Variants in CYSLTR1 observed in about 807,000 individuals in gnomAD.
The protein encoded by CYSLTR1 is cysteinyl leukotriene receptor 1.
CYSLTR1 carries 1 observed loss-of-function variant against 2.1 expected under a neutral mutation model. That is an observed-to-expected ratio of 0.48 (90% CI 0.17 to 2.28). CYSLTR1 has a LOEUF of 2.28. Ranked by LOEUF, CYSLTR1 falls within the 30% of genes most tolerant of loss-of-function variation. The pLI, the probability that CYSLTR1 is intolerant of heterozygous loss-of-function variation, is 0.26. For missense variants in CYSLTR1, 299 were observed against 250.1 expected (o/e 1.20, Z -1.32); for synonymous variants, 110 against 89.6 (o/e 1.23, Z -1.28).
chrX:78,309,223 A>T (rs1038697559), intron 1 of CYSLTR1, among the ~76,000 whole-genome samples: 1 of 111,361 alleles, frequency 9.0e-6, no homozygotes, highest in Non-Finnish European at 1.9e-5. Flanking sequence ...TATATCAGCA[A>T]TGAAGAGGTA....
chrX:78,320,266 C>T (rs56995518), intron 1 of CYSLTR1: 2 of 111,551 alleles, frequency 1.8e-5, no homozygotes, highest in East Asian at 2.8e-4. Context: ...GTCTTTAATC[C>T]ATCTTGAATT....
chrX:78,289,075 T>C (rs1365394088), intron 1 of CYSLTR1, among the ~76,000 whole-genome samples: 2 of 110,899 alleles, frequency 1.8e-5, no homozygotes, highest in Admixed American at 9.6e-5. Flanking sequence ...CAACTCATCA[T>C]TTACATTAGG....
intron 1 of CYSLTR1, among the ~76,000 whole-genome samples, chrX:78,303,976 T>C (rs1462693544): frequency 8.9e-6 from 1 of 111,895 alleles, no homozygotes; most frequent in Non-Finnish European, 1.9e-5. Context: ...ATTTATAGTT[T>C]CAATGAAGAG....
intron 2 of CYSLTR1, among the ~76,000 whole-genome samples, chrX:78,276,586 T>C (rs1183795968): frequency 9.0e-6 from 1 of 110,893 alleles, no homozygotes; most frequent in African/African-American, 3.3e-5. Context: ...GTAGCGTCCA[T>C]CCATCTAGCC....
intron 1 of CYSLTR1, chrX:78,319,759 T>G (rs1260103388): frequency 3.6e-5 from 4 of 111,997 alleles, no homozygotes; most frequent in African/African-American, 1.3e-4. Flanking sequence ...TTTCTCCACA[T>G]CCTCTCCAGC....
At chrX:78,289,903 T>A (rs1922242744) in intron 1 of CYSLTR1, among the ~76,000 whole-genome samples, 1 of 111,656 alleles carries the variant, frequency 9.0e-6, no homozygotes, top group Non-Finnish European at 1.9e-5. Flanking sequence ...TTTTCTCCCA[T>A]TCTGTAGGTT....
At chrX:78,303,894 C>T (rs1171242057) in intron 1 of CYSLTR1, among the ~76,000 whole-genome samples, 9 of 111,471 alleles carry the variant, frequency 8.1e-5, no homozygotes, top group Non-Finnish European at 1.7e-4. Context: ...TCTCTGAAGT[C>T]CCTTCTAACC....
intron 1 of CYSLTR1, among the ~76,000 whole-genome samples, chrX:78,302,404 A>T (rs1569552380): frequency 9.1e-6 from 1 of 110,106 alleles, no homozygotes; most frequent in Non-Finnish European, 1.9e-5. Context: ...GGGGCCCTAC[A>T]TTTTTTTTCT....
chrX:78,273,739 T>G lies in CYSLTR1; in HGVS notation c.8A>C (p.Glu3Ala), dbSNP rs1921434479. 1 of 1,194,207 alleles carries G rather than the reference T, an allele frequency of 8.4e-7. No homozygotes were observed. The change falls in exon 3 of 3, where the codon GAA (glutamate) becomes GCA (alanine). Residue 3 changes from glutamate to alanine, a missense_variant. Transcript: ENST00000373304. The part of the protein sequence containing the change: MD[E>A]TGNLTVSSAT... ...AGAAGATACTGTCAGATTTCCTGTT[T>G]CATCCATGTTTCTCTACGAATGTCT...
rs1272391670 is a variant in CYSLTR1, at chrX:78,272,603, G to C, written c.*130C>G. On this transcript the variant is annotated 3_prime_UTR_variant, in exon 3 of 3. Transcript: ENST00000373304. ...ATCATGTGGATGCATAAATGAGATA[G>C]AGTTGTAGGCCCAAATAGTTAAGTA... The C allele has an allele frequency of 1.6e-6, 1 of 615,085 alleles. No homozygotes were observed. Among genetic ancestry groups the C allele is most frequent in the Non-Finnish European group, 2.3e-6 (1 of 431,673 alleles). The allele number at this position is 615,085 out of a possible 1,213,427, so 50.7% of individuals were successfully genotyped here. A position where few individuals can be genotyped will look rare whatever the true frequency, so the allele number is the denominator to read the frequency against.
intron 1 of CYSLTR1, among the ~76,000 whole-genome samples, chrX:78,316,713 G>A (rs1382989293): frequency 9.0e-6 from 1 of 111,654 alleles, no homozygotes; most frequent in African/African-American, 3.3e-5. Context: ...CTTCAACAAA[G>A]CAAACAAAAA....
chrX:78,292,798 GT>G lies in CYSLTR1; in HGVS notation c.-114-9259del, dbSNP rs781461267. Among the ~76,000 whole-genome samples, 675 of 91,454 alleles carry G rather than the reference GT, an allele frequency of 7.4e-3. 4 individuals carry two copies. Among genetic ancestry groups the G allele is most frequent in the African/African-American group, 0.019 (472 of 25,343 alleles). 79.4% of individuals were successfully genotyped at this position (91,454 alleles called of 115,157 possible). The stretch of plus-strand genomic sequence containing the variant: ...AGAAACTAGGATTGCAACCCCTGCT[GT>G]TTTTTTTTTTTTTGCTTTCCCTTTG... On this transcript the variant is annotated intron_variant, in intron 1 of 2. Coordinates refer to ENST00000373304, the MANE Select transcript of CYSLTR1 (RefSeq NM_006639.4).
At chrX:78,326,693 G>T (rs1474202126) in intron 1 of CYSLTR1, among the ~76,000 whole-genome samples, 1 of 112,187 alleles carries the variant, frequency 8.9e-6, no homozygotes, top group Non-Finnish European at 1.9e-5. Flanking sequence ...TTATAGTTGA[G>T]AGAGCTTTAT....
intron 1 of CYSLTR1, chrX:78,318,931 C>T (rs1923527204): frequency 9.3e-6 from 1 of 106,974 alleles, no homozygotes; most frequent in Non-Finnish European, 1.9e-5. Context: ...TCTCATTATG[C>T]CTTAGCTACT....
At chrX:78,294,978 T>G (rs1433724980) in intron 1 of CYSLTR1, among the ~76,000 whole-genome samples, 1 of 112,242 alleles carries the variant, frequency 8.9e-6, no homozygotes, top group Non-Finnish European at 1.9e-5. Context: ...TTGCCCTCCA[T>G]GGGCTGCACC....
At chrX:78,280,463 T>C (rs1231921595) in intron 2 of CYSLTR1, among the ~76,000 whole-genome samples, 2 of 109,066 alleles carry the variant, frequency 1.8e-5, no homozygotes, top group Non-Finnish European at 3.8e-5. Flanking sequence ...TGTGAAATCA[T>C]TTCCCTAACA....
At chrX:78,315,812 C>G (rs954620914) in intron 1 of CYSLTR1, among the ~76,000 whole-genome samples, 3 of 112,165 alleles carry the variant, frequency 2.7e-5, no homozygotes, top group African/African-American at 9.7e-5. Context: ...CCACAGGACC[C>G]ACCCAAAGAA....
chrX:78,296,284 T>C (rs1190737198), intron 1 of CYSLTR1, among the ~76,000 whole-genome samples: 1 of 111,930 alleles, frequency 8.9e-6, no homozygotes, highest in East Asian at 2.8e-4. Flanking sequence ...AGTTCCATGC[T>C]GTTTTGGTTA....
At chrX:78,278,941 C>T (rs1921721057) in intron 2 of CYSLTR1, among the ~76,000 whole-genome samples, 1 of 112,310 alleles carries the variant, frequency 8.9e-6, no homozygotes, top group African/African-American at 3.2e-5. Context: ...CATCCTTTCA[C>T]CATCTACAAA....
Sources: allele counts gnomAD v4.1 joint callset (sites outside exome capture counted in the v4.1 genomes callset), GRCh38; gene constraint gnomAD v4.1.1; transcripts MANE v1.5; gene names NCBI Gene and HGNC (gene_info 2026-07-23, HGNC 2026-07-21).